The following ABLIM1 variants were observed in gnomAD, a reference collection of about 807,000 sequenced individuals.
ABLIM1 encodes actin-binding LIM protein 1.
A neutral mutation model predicts 107.0 loss-of-function variants in ABLIM1; 40 were observed. That is an observed-to-expected ratio of 0.37 (90% CI 0.29 to 0.49). The LOEUF (loss-of-function observed/expected upper bound fraction) is 0.49. Ranked by LOEUF, ABLIM1 falls within the 20% of genes least tolerant of loss-of-function variation. The pLI is 0.97. For missense variants in ABLIM1, 857 were observed against 1,008.5 expected, an observed-to-expected ratio of 0.85 and a Z score of 2.04; for synonymous variants, 357 against 357.3, an observed-to-expected ratio of 1.00 and a Z score of 0.01.
chr10:114,547,884 T>G lies in ABLIM1; in HGVS notation c.674-108A>C, dbSNP rs972939128. On this transcript the variant is annotated intron_variant, in intron 4 of 22. Coordinates refer to ENST00000533213, the MANE Select transcript of ABLIM1 (RefSeq NM_002313.7). ...TGCCCATCACACACTCAATCAATAT[T>G]TACTCAAGCACCATCTCGGGTCAGT... 3 of 1,408,396 alleles carry G rather than the reference T, an allele frequency of 2.1e-6. No individual in the cohort carries two copies. The African/African-American group carries it at 4.3e-5, about 20-fold the overall frequency. 87.2% of individuals were successfully genotyped at this position (1,408,396 alleles called of 1,614,324 possible).
chr10:114,457,532 A>G (rs1182914578), intron 12 of ABLIM1, among the ~76,000 whole-genome samples: 1 of 152,124 alleles, frequency 6.6e-6, no homozygotes, highest in East Asian at 1.9e-4. Context: ...TGGCCTCCCA[A>G]AATGCTGGGA....
At chr10:114,755,860 T>C (rs1355394666) in intron 1 of ABLIM1, among the ~76,000 whole-genome samples, 1 of 152,152 alleles carries the variant, frequency 6.6e-6, no homozygotes, top group Non-Finnish European at 1.5e-5. Context: ...CACATAGAAG[T>C]CTTATTTTTG....
chr10:114,699,112 A>AG (rs1377317219), intron 1 of ABLIM1, among the ~76,000 whole-genome samples: 1 of 151,858 alleles, frequency 6.6e-6, no homozygotes, highest in African/African-American at 2.4e-5. Flanking sequence ...AGCAAAAAAA[A>AG]AAAAAAAAGA....
At chr10:114,729,966 A>T (rs1386940840) in intron 1 of ABLIM1, among the ~76,000 whole-genome samples, 2 of 152,130 alleles carry the variant, frequency 1.3e-5, no homozygotes. Context: ...TCTATTCTTC[A>T]TCCAAAAACT....
Position 114,673,507 on chromosome 10 carries a change from T to C in ABLIM1, c.64+10783A>G, listed in dbSNP as rs77267350. 7.3e-3 allele frequency among the ~76,000 whole-genome samples: 1,112 copies of C among 152,190 alleles called. 15 individuals are homozygous for C. The highest frequency in any genetic ancestry group is 0.026 in the African/African-American group (1,060 of 41,520). ...AAGCTGCAGTCACAGTGGCCATCAT[T>C]CATTCCACATGGCACAGACCTCAGA... On this transcript the variant is annotated intron_variant, in intron 1 of 23. Transcript: ENST00000369256.
At chr10:114,649,732 C>A (rs1045490399) in intron 1 of ABLIM1, among the ~76,000 whole-genome samples, 1 of 152,080 alleles carries the variant, frequency 6.6e-6, no homozygotes, top group Non-Finnish European at 1.5e-5. Flanking sequence ...ATCTGCTGAC[C>A]ACGTATTCAC....
chr10:114,706,260 T>C (rs1196135899), intron 1 of ABLIM1, among the ~76,000 whole-genome samples: 3 of 152,204 alleles, frequency 2.0e-5, no homozygotes, highest in African/African-American at 7.2e-5. Flanking sequence ...TAGGCACAAG[T>C]CCTCTTCCTA....
At chr10:114,470,976 C>A (rs935691646) in intron 10 of ABLIM1, among the ~76,000 whole-genome samples, 4 of 152,192 alleles carry the variant, frequency 2.6e-5, no homozygotes, top group Admixed American at 2.6e-4. Context: ...CCTCAACCTC[C>A]TGGGCTCAAG....
rs190576547 is a variant in ABLIM1, at chr10:114,697,829, T to A, written c.-213+70232A>T. On this transcript the variant is annotated intron_variant, in intron 1 of 15. Coordinates refer to the ABLIM1 transcript ENST00000651092. ...TAAAATTATATCATCTTCCTTAGGGTTTTAAAAGATCATTTTGCCATTTCA... is the reference window on the plus strand; with the variant it reads ...TAAAATTATATCATCTTCCTTAGGGATTTAAAAGATCATTTTGCCATTTCA... Among the ~76,000 whole-genome samples, 253 of 152,266 alleles carry A rather than the reference T, an allele frequency of 1.7e-3. 2 individuals carry two copies. The highest frequency in any genetic ancestry group is 5.6e-3 in the African/African-American group (231 of 41,546).
At chr10:114,675,089 C>T (rs2080423140) in intron 1 of ABLIM1, among the ~76,000 whole-genome samples, 1 of 152,106 alleles carries the variant, frequency 6.6e-6, no homozygotes. Flanking sequence ...ATCCCTATGT[C>T]CCAGATGTTC....
At chr10:114,547,297 T>C (rs781760561) in intron 5 of ABLIM1, among the ~76,000 whole-genome samples, 7 of 152,156 alleles carry the variant, frequency 4.6e-5, no homozygotes, top group Non-Finnish European at 7.4e-5. Context: ...GGAGCGTCTA[T>C]GAATGTACTC....
chr10:114,670,149 A>G (rs2141374508), intron 1 of ABLIM1, among the ~76,000 whole-genome samples: 1 of 152,302 alleles, frequency 6.6e-6, no homozygotes, highest in Admixed American at 6.5e-5. Flanking sequence ...ACGCGGGCCA[A>G]AGGAAACATC....
At chr10:114,548,643 G>A (rs1034592423) in intron 4 of ABLIM1, among the ~76,000 whole-genome samples, 1 of 152,146 alleles carries the variant, frequency 6.6e-6, no homozygotes, top group African/African-American at 2.4e-5. Context: ...TCTGATTATC[G>A]ACTGCTTCAT....
chr10:114,544,879 C>T (rs924013543), intron 6 of ABLIM1, 126 bp downstream of exon 6: 22 of 840,164 alleles, frequency 2.6e-5, no homozygotes, highest in African/African-American at 1.8e-4. Context: ...TAGTCACCTG[C>T]GACTACTTTC....
upstream of ABLIM1, among the ~76,000 whole-genome samples, chr10:114,770,966 G>C (rs889921088): frequency 2.0e-5 from 3 of 152,118 alleles, no homozygotes; most frequent in Non-Finnish European, 4.4e-5. Flanking sequence ...GAGTAGCTGG[G>C]ATCACAGGCA....
chr10:114,485,952 G>GT (rs2058125788), intron 8 of ABLIM1, among the ~76,000 whole-genome samples: 1 of 152,112 alleles, frequency 6.6e-6, no homozygotes, highest in Non-Finnish European at 1.5e-5. Flanking sequence ...TGTGAACCCC[G>GT]GCTCTGGGTA....
chr10:114,587,403 G>A (rs2483579), intron 2 of ABLIM1, among the ~76,000 whole-genome samples: 118,220 of 152,048 alleles, frequency 0.78, 46,929 homozygotes, highest in African/African-American at 0.93. Flanking sequence ...ATTTCTGCTG[G>A]TGCTACCCTG....
chr10:114,699,213 GAA>G (rs10707827), intron 1 of ABLIM1, among the ~76,000 whole-genome samples: 4 of 149,756 alleles, frequency 2.7e-5, no homozygotes, highest in African/African-American at 9.8e-5. Context: ...AAAATTTTGA[GAA>G]AAAAAAAGGA....
intron 1 of ABLIM1, among the ~76,000 whole-genome samples, chr10:114,604,762 G>C (rs1055824761): frequency 2.0e-5 from 3 of 152,182 alleles, no homozygotes; most frequent in Non-Finnish European, 2.9e-5. Context: ...GACTACACAG[G>C]AGAATGCATT....
Sources: allele counts gnomAD v4.1 joint callset (sites outside exome capture counted in the v4.1 genomes callset), GRCh38; gene constraint gnomAD v4.1.1; transcripts MANE v1.5; gene names NCBI Gene and HGNC (gene_info 2026-07-23, HGNC 2026-07-21).